The following DEPTOR variants were observed in gnomAD, a reference collection of about 807,000 sequenced individuals.
The protein encoded by DEPTOR is DEP domain-containing mTOR-interacting protein.
In DEPTOR, 41 loss-of-function variants were observed where a neutral mutation model predicts 41.6. That is an observed-to-expected ratio of 0.98 (90% confidence interval 0.77 to 1.28). The LOEUF (loss-of-function observed/expected upper bound fraction) is 1.28, where lower values mean the gene tolerates loss of function less well. Among genes scored for constraint, DEPTOR ranks in the 50% most tolerant of loss-of-function variants. The probability of loss-of-function intolerance (pLI) is 0.00; values close to 1 mark genes in which losing one functional copy is unlikely to be tolerated. For missense variants in DEPTOR, 514 were observed against 527.9 expected (o/e 0.97, Z 0.26); for synonymous variants, 195 against 192.3 (o/e 1.01, Z -0.12).
Position 119,965,308 on chromosome 8 carries a change from T to A in DEPTOR, c.502T>A (p.Ser168Thr). The A allele has an allele frequency of 6.2e-7, 1 of 1,614,128 alleles. No individual in the cohort carries two copies. Among genetic ancestry groups the A allele is most frequent in the Non-Finnish European group, 8.5e-7 (1 of 1,180,022 alleles). The change falls in exon 4 of 9, where the codon TCT (serine) becomes ACT (threonine). Residue 168 changes from serine (S) to threonine (T), a missense_variant. By Grantham distance (58) the Ser-to-Thr change is moderately conservative (BLOSUM62 1). Coordinates refer to ENST00000286234, the MANE Select transcript of DEPTOR (RefSeq NM_022783.4). The part of the protein sequence containing the change: ...GVKYERTFMA[S>T]EFLDWLVQEG... ...CAAGTATGAGCGCACCTTCATGGCATCTGAATTCCTGGACTGGCTGGTTCA... is the reference window on the plus strand; with the variant it reads ...CAAGTATGAGCGCACCTTCATGGCAACTGAATTCCTGGACTGGCTGGTTCA...
At chr8:119,935,996 G>GTTTTTTTT (rs1201688321) in intron 3 of DEPTOR, among the ~76,000 whole-genome samples, 31 of 102,784 alleles carry the variant, frequency 3.0e-4, no homozygotes, top group African/African-American at 1.1e-3. Context: ...CATTAGTCTA[G>GTTTTTTTT]TTGTTTTTTT....
intron 8 of DEPTOR, among the ~76,000 whole-genome samples, chr8:120,042,735 G>T (rs1367942966): frequency 6.6e-6 from 1 of 151,762 alleles, no homozygotes; most frequent in African/African-American, 2.4e-5. Context: ...GGTCAAGCTG[G>T]TCTCGAACTC....
chr8:119,932,964 A>G (rs1382394849), intron 3 of DEPTOR, among the ~76,000 whole-genome samples: 1 of 152,014 alleles, frequency 6.6e-6, no homozygotes, highest in East Asian at 1.9e-4. Context: ...CAGAGGGCAG[A>G]AGTAAAGAGG....
chr8:120,010,002 C>T (rs567727973), intron 8 of DEPTOR, among the ~76,000 whole-genome samples: 61 of 152,116 alleles, frequency 4.0e-4, no homozygotes, highest in African/African-American at 1.4e-3. Context: ...TTTATGTAAC[C>T]GGTAGCACAT....
rs575164764 is a variant in DEPTOR, at chr8:119,986,456, A to T, written c.605-15069A>T. On this transcript the variant is annotated intron_variant, in intron 4 of 8. Coordinates refer to ENST00000286234, the MANE Select transcript of DEPTOR (RefSeq NM_022783.4). ...CCGACCTTTCTCTCTGGCTGCCCTTAATATTTTTTCCTTCATTTCAACCTT... is the reference window on the plus strand; with the variant it reads ...CCGACCTTTCTCTCTGGCTGCCCTTTATATTTTTTCCTTCATTTCAACCTT... Among the ~76,000 whole-genome samples the T allele has an allele frequency of 1.4e-4, 22 of 152,056 alleles. 1 individual carries two copies. The highest frequency in any genetic ancestry group is 7.2e-4 in the Admixed American group (11 of 15,266).
chr8:119,965,206 T>C, intron 3 of DEPTOR, 26 bp from the exon 4 acceptor site: 1 of 1,598,496 alleles, frequency 6.3e-7, no homozygotes, highest in Non-Finnish European at 8.5e-7. Context: ...TAGGTTTACT[T>C]TTCTTTTCCC....
intron 1 of DEPTOR, among the ~76,000 whole-genome samples, chr8:119,875,812 C>T (rs1458685186): frequency 6.6e-6 from 1 of 152,122 alleles, no homozygotes; most frequent in Non-Finnish European, 1.5e-5. Flanking sequence ...GGTGGATAGG[C>T]AAAACAATTT....
chr8:120,008,933 G>A (rs1812489407), intron 7 of DEPTOR, 96 bp from the exon 8 acceptor site: 1 of 1,098,926 alleles, frequency 9.1e-7, no homozygotes, highest in South Asian at 1.4e-5. Flanking sequence ...ATGTCACAGT[G>A]TATACTTAAT....
intron 3 of DEPTOR, among the ~76,000 whole-genome samples, chr8:119,948,063 T>C (rs117646319): frequency 6.6e-6 from 1 of 152,296 alleles, no homozygotes; most frequent in Non-Finnish European, 1.5e-5. Context: ...GAAAGTGCCC[T>C]CTGACACTTA....
chr8:120,002,791 A>AAAAAAATATATAT, intron 5 of DEPTOR, among the ~76,000 whole-genome samples, 186 bp from the exon 6 acceptor site: 13 of 60,672 alleles, frequency 2.1e-4, no homozygotes, highest in African/African-American at 4.5e-4. Flanking sequence ...AAAAAAAAAA[A>AAAAAAATATATAT]ATATATATAT....
intron 1 of DEPTOR, among the ~76,000 whole-genome samples, chr8:119,884,164 TCTC>T (rs1827334414): frequency 6.6e-6 from 1 of 152,142 alleles, no homozygotes; most frequent in African/African-American, 2.4e-5. Context: ...TTCAAGCGAT[TCTC>T]CTGCCTCAGC....
At chr8:119,914,446 T>G (rs1827787267) in intron 1 of DEPTOR, among the ~76,000 whole-genome samples, 2 of 150,784 alleles carry the variant, frequency 1.3e-5, no homozygotes, top group African/African-American at 4.9e-5. Flanking sequence ...CAAGCCTTTT[T>G]TTTTCTTTTT....
chr8:119,944,576 G>A (rs373318006), intron 3 of DEPTOR, among the ~76,000 whole-genome samples: 3 of 151,644 alleles, frequency 2.0e-5, no homozygotes, highest in Non-Finnish European at 4.4e-5. Context: ...CACAACTTTG[G>A]TATACGTACA....
rs36009381 is a variant in DEPTOR at position 119,971,230 on chromosome 8, C to CAA, written c.604+5838_604+5839dup. 8.2e-4 allele frequency among the ~76,000 whole-genome samples: 90 copies of CAA among 109,496 alleles called. 2 individuals are homozygous for CAA. Among genetic ancestry groups the CAA allele is most frequent in the African/African-American group, 2.0e-3 (58 of 28,372 alleles). 71.8% of individuals were successfully genotyped at this position (109,496 alleles called of 152,430 possible). ...TGGGCAACAGAGCGAGACTCCGTCT[C>CAA]AAAAAAAAAAAAAAAAAAAGAAGGT... On this transcript the variant is annotated intron_variant, in intron 4 of 8. Coordinates refer to ENST00000286234, the MANE Select transcript of DEPTOR (RefSeq NM_022783.4).
At chr8:119,931,889 G>A (rs2129861484) in intron 3 of DEPTOR, among the ~76,000 whole-genome samples, 1 of 151,800 alleles carries the variant, frequency 6.6e-6, no homozygotes. Context: ...GCCAAAACAT[G>A]CATGTCATCT....
intron 8 of DEPTOR, among the ~76,000 whole-genome samples, chr8:120,012,778 G>T (rs931366221): frequency 3.3e-5 from 5 of 152,016 alleles, no homozygotes; most frequent in Non-Finnish European, 7.4e-5. Context: ...CTCGTGATCC[G>T]CCTGCCTCGG....
chr8:119,966,516 C>T (rs1828563606), intron 4 of DEPTOR, among the ~76,000 whole-genome samples: 1 of 152,170 alleles, frequency 6.6e-6, no homozygotes. Context: ...GCAGAGTCTC[C>T]TTCCGTCACC....
At chr8:119,967,354 ACAAGTG>A in intron 4 of DEPTOR, among the ~76,000 whole-genome samples, 1 of 151,418 alleles carries the variant, frequency 6.6e-6, no homozygotes, top group Non-Finnish European at 1.5e-5. Context: ...TGCTGGGATT[ACAAGTG>A]TGAGCCACCA....
chr8:120,018,957 T>C (rs1812654169), intron 8 of DEPTOR, among the ~76,000 whole-genome samples: 1 of 152,228 alleles, frequency 6.6e-6, no homozygotes, highest in African/African-American at 2.4e-5. Context: ...CTAGGCATTA[T>C]GTTAGACCTT....
Sources: gnomAD v4.1 joint callset for allele counts (sites outside exome capture counted in the v4.1 genomes callset) on GRCh38, gnomAD v4.1.1 for gene constraint, MANE v1.5 for transcripts, NCBI Gene and HGNC (gene_info 2026-07-23, HGNC 2026-07-21) for gene names.